The following PEBP4 variants were observed in gnomAD, a reference collection of about 807,000 sequenced individuals.
PEBP4 encodes phosphatidylethanolamine-binding protein 4.
PEBP4 carries 22 observed loss-of-function variants against 23.9 expected under a neutral mutation model. That is an observed-to-expected ratio of 0.92 (90% confidence interval 0.66 to 1.31). The LOEUF is 1.31. Ranked by LOEUF, PEBP4 falls within the 40% of genes most tolerant of loss-of-function variation. The pLI, the probability that PEBP4 is intolerant of heterozygous loss-of-function variation, is 0.00. For missense variants in PEBP4, 324 were observed against 281.7 expected (o/e 1.15, Z -1.07); for synonymous variants, 112 against 99.3 (o/e 1.13, Z -0.76).
intron 4 of PEBP4, chr8:22,744,775 G>C (rs972465215): frequency 6.6e-6 from 1 of 152,276 alleles, no homozygotes; most frequent in Non-Finnish European, 1.5e-5. Context: ...ATGGTTGTTA[G>C]ACAGTGACAG....
intron 1 of PEBP4, among the ~76,000 whole-genome samples, chr8:22,938,113 A>G (rs1193093877): frequency 6.6e-6 from 1 of 152,208 alleles, no homozygotes; most frequent in African/African-American, 2.4e-5. Context: ...TTTGGGCATC[A>G]AAGGACACTA....
chr8:22,809,651 A>T (rs1276206496), intron 4 of PEBP4, among the ~76,000 whole-genome samples: 1 of 152,170 alleles, frequency 6.6e-6, no homozygotes, highest in Non-Finnish European at 1.5e-5. Flanking sequence ...TTTTATGAGG[A>T]CTGCATGAGG....
chr8:22,778,368 G>A (rs1279695334), intron 4 of PEBP4, among the ~76,000 whole-genome samples: 2 of 152,046 alleles, frequency 1.3e-5, no homozygotes, highest in Non-Finnish European at 2.9e-5. Context: ...GGCAGTTATG[G>A]GGAGACAGAG....
At chr8:22,806,907 C>T (rs1489627061) in intron 4 of PEBP4, among the ~76,000 whole-genome samples, 1 of 152,220 alleles carries the variant, frequency 6.6e-6, no homozygotes. Flanking sequence ...CATTTCCCAA[C>T]AAAGAAATCT....
chr8:22,921,971 G>A (rs1056549999), intron 2 of PEBP4, among the ~76,000 whole-genome samples: 12 of 152,200 alleles, frequency 7.9e-5, no homozygotes, highest in Non-Finnish European at 1.5e-5. Context: ...GTGGAGGGAC[G>A]CCCTCACGCC....
intron 4 of PEBP4, among the ~76,000 whole-genome samples, chr8:22,729,703 T>C (rs939240303): frequency 1.5e-4 from 23 of 152,326 alleles, no homozygotes; most frequent in African/African-American, 5.3e-4. Flanking sequence ...GGGGCACTGA[T>C]GGCAAATGGA....
chr8:22,922,573 A>C (rs538994072), intron 2 of PEBP4, among the ~76,000 whole-genome samples: 30 of 97,838 alleles, frequency 3.1e-4, no homozygotes, highest in South Asian at 6.3e-4. Context: ...AAAAATTAAA[A>C]AAACAAACAA....
chr8:22,856,158 A>C (rs995195662), intron 3 of PEBP4, among the ~76,000 whole-genome samples: 2 of 152,094 alleles, frequency 1.3e-5, no homozygotes, highest in Admixed American at 6.5e-5. Flanking sequence ...ATGTACTAAA[A>C]AGTCTGACCA....
intron 4 of PEBP4, among the ~76,000 whole-genome samples, chr8:22,763,404 T>C (rs79324384): frequency 0.04 from 6,070 of 152,282 alleles, 192 homozygotes; most frequent in South Asian, 0.088. Flanking sequence ...CTGCCTCCAA[T>C]CCCCGACAGC....
intron 4 of PEBP4, among the ~76,000 whole-genome samples, chr8:22,783,872 C>T (rs1022699483): frequency 3.2e-4 from 48 of 152,212 alleles, no homozygotes; most frequent in African/African-American, 1.2e-3. Context: ...GTGATCTCCC[C>T]GCCTTGGCTT....
intron 4 of PEBP4, among the ~76,000 whole-genome samples, chr8:22,733,868 C>T (rs73671271): frequency 0.02 from 2,913 of 144,720 alleles, 135 homozygotes; most frequent in African/African-American, 0.073. Context: ...GGGGGACAGG[C>T]ATCAGAAGAG....
intron 3 of PEBP4, among the ~76,000 whole-genome samples, chr8:22,892,043 G>A (rs1293242643): frequency 2.0e-5 from 3 of 151,650 alleles, no homozygotes; most frequent in South Asian, 2.1e-4. Flanking sequence ...ACTGCAGTCC[G>A]GCCTGGGCGA....
intron 3 of PEBP4, among the ~76,000 whole-genome samples, chr8:22,843,172 C>T (rs1203587357): frequency 1.3e-5 from 2 of 151,850 alleles, no homozygotes; most frequent in East Asian, 1.9e-4. Flanking sequence ...ATGTTTTGGC[C>T]AGGCTGGTCT....
At chr8:22,801,248 C>T (rs935130019) in intron 4 of PEBP4, among the ~76,000 whole-genome samples, 2 of 152,174 alleles carry the variant, frequency 1.3e-5, no homozygotes, top group African/African-American at 2.4e-5. Flanking sequence ...GGTTGACAGG[C>T]ATGATCTCAC....
chr8:22,800,102 G>A (rs1806352182), intron 4 of PEBP4, among the ~76,000 whole-genome samples: 1 of 152,110 alleles, frequency 6.6e-6, no homozygotes, highest in Non-Finnish European at 1.5e-5. Context: ...ACTATCACAA[G>A]GTCAAATTTT....
chr8:22,897,696 T>A (rs911621779), intron 3 of PEBP4: 2 of 152,070 alleles, frequency 1.3e-5, no homozygotes, highest in Admixed American at 1.3e-4. Context: ...GCTTAACATC[T>A]CTCCCTGGAT....
At chr8:22,920,084 T>C in intron 3 of PEBP4, 100 bp downstream of exon 3, 1 of 1,457,866 alleles carries the variant, frequency 6.9e-7, no homozygotes, top group Non-Finnish European at 9.3e-7. Context: ...CCAACCCAGA[T>C]GGCTCTGCAC....
chr8:22,815,314 G>A (rs1282717579), intron 4 of PEBP4, among the ~76,000 whole-genome samples: 1 of 152,190 alleles, frequency 6.6e-6, no homozygotes, highest in African/African-American at 2.4e-5. Context: ...GTTCTCCCCA[G>A]ACCGACCGAG....
intron 3 of PEBP4, among the ~76,000 whole-genome samples, chr8:22,913,155 C>T (rs1808983108): frequency 1.3e-5 from 2 of 152,226 alleles, no homozygotes; most frequent in South Asian, 4.1e-4. Flanking sequence ...ACAGTGGCAT[C>T]TCATGAATTC....
Sources: allele counts gnomAD v4.1 joint callset (sites outside exome capture counted in the v4.1 genomes callset), GRCh38; gene constraint gnomAD v4.1.1; transcripts MANE v1.5; gene names NCBI Gene and HGNC (gene_info 2026-07-23, HGNC 2026-07-21).